MIB1: variants seen among roughly 807,000 people sequenced by gnomAD.
MIB1 encodes MIB E3 ubiquitin protein ligase 1, also known as E3 ubiquitin-protein ligase MIB1.
MIB1 carries 278 observed loss-of-function variants against 124.5 expected under a neutral mutation model. The ratio of observed to expected loss-of-function variants is 2.23; its 90% confidence interval spans 2.02 to 2.47. The LOEUF is 2.47. MIB1 is among the 30% of genes most tolerant of loss of function. The probability of loss-of-function intolerance (pLI) is 0.00; values close to 1 mark genes in which losing one functional copy is unlikely to be tolerated. For missense variants in MIB1, 957 were observed against 1,254.4 expected, an observed-to-expected ratio of 0.76 and a Z score of 3.58; for synonymous variants, 446 against 429.4, an observed-to-expected ratio of 1.04 and a Z score of -0.48.
intron 3 of MIB1, among the ~76,000 whole-genome samples, chr18:21,769,575 C>T (rs775705402): frequency 2.0e-5 from 3 of 152,188 alleles, no homozygotes; most frequent in South Asian, 2.1e-4. Flanking sequence ...GGCTGGATCT[C>T]ATGTTTTCTG....
At chr18:21,775,951 G>A (rs1382835946) in intron 4 of MIB1, among the ~76,000 whole-genome samples, 1 of 152,086 alleles carries the variant, frequency 6.6e-6, no homozygotes, top group Non-Finnish European at 1.5e-5. Context: ...AAGTAAAATT[G>A]CTGGGGTAGG....
At chr18:21,749,641 C>CTTTTTTTTTTTTTT (rs10653364) in intron 1 of MIB1, among the ~76,000 whole-genome samples, 8 of 114,560 alleles carry the variant, frequency 7.0e-5, no homozygotes, top group African/African-American at 2.5e-4. Context: ...CTACCTTACT[C>CTTTTTTTTTTTTTT]TTTTTTTTTT....
intron 12 of MIB1, among the ~76,000 whole-genome samples, chr18:21,834,658 C>G (rs1335560503): frequency 1.3e-5 from 2 of 152,146 alleles, no homozygotes; most frequent in African/African-American, 4.8e-5. Context: ...AAGCATCAGA[C>G]AAATTCCAAC....
chr18:21,864,327 CCTGAT>C (rs201314260), intron 20 of MIB1, among the ~76,000 whole-genome samples, 194 bp from the exon 21 acceptor site: 1,904 of 152,156 alleles, frequency 0.013, 18 homozygotes, highest in Non-Finnish European at 0.018. Context: ...TTCATACTAT[CCTGAT>C]AGTACAACCA....
Position 21,864,770 on chromosome 18 carries a change from A to G in MIB1, c.*104A>G. On this transcript the variant is annotated 3_prime_UTR_variant, in exon 21 of 21. Coordinates refer to ENST00000261537, the MANE Select transcript of MIB1 (RefSeq NM_020774.4). ...CTGATGAGTTAATTTCTAATATCAT[A>G]GTTTCTTTACTAGAGTATAATTGGG... 1.2e-6 allele frequency: 1 copy of G among 847,304 alleles called. No homozygotes were observed. The highest frequency in any genetic ancestry group is 1.8e-6 in the Non-Finnish European group (1 of 557,552). The allele number at this position is 847,304 out of a possible 1,614,324, so 52.5% of individuals were successfully genotyped here.
chr18:21,709,813 CA>C (rs1207686145), intron 1 of MIB1, among the ~76,000 whole-genome samples: 4 of 152,168 alleles, frequency 2.6e-5, no homozygotes, highest in Non-Finnish European at 5.9e-5. Flanking sequence ...GACTTCCTGA[CA>C]GAGATGTGAG....
intron 8 of MIB1, among the ~76,000 whole-genome samples, chr18:21,798,963 G>A (rs942291310): frequency 2.0e-5 from 3 of 152,022 alleles, no homozygotes; most frequent in Non-Finnish European, 4.4e-5. Context: ...CTGCCTTTTT[G>A]TTTATTCTTT....
At chr18:21,724,712 C>CAAAAAAAAAAAAAAAAAAAAAAA (rs1193584277) in intron 1 of MIB1, among the ~76,000 whole-genome samples, 1 of 20,758 alleles carries the variant, frequency 4.8e-5, no homozygotes, top group African/African-American at 3.3e-4. Flanking sequence ...CTCCCCCATC[C>CAAAAAAAAAAAAAAAAAAAAAAA]AAAAAAAAAA....
rs567548350 is a variant in MIB1 at position 21,853,226 on chromosome 18, G to T, written c.2665+8G>T. The T allele has an allele frequency of 6.3e-7, 1 of 1,587,056 alleles. No individual in the cohort carries two copies. The highest frequency in any genetic ancestry group is 1.3e-5 in the African/African-American group (1 of 74,316). ...ACATGTGTGCTTGTGAGAGTAAGTA[G>T]CCTATGCAGAGTTCCTCAATATTAT... is the stretch of plus-strand genomic sequence containing the variant. On this transcript the variant is annotated splice_region_variant and intron_variant, in intron 18 of 20. Coordinates refer to ENST00000261537, the MANE Select transcript of MIB1 (RefSeq NM_020774.4).
chr18:21,722,069 T>G (rs112423315), intron 1 of MIB1, among the ~76,000 whole-genome samples: 2 of 151,274 alleles, frequency 1.3e-5, no homozygotes, highest in East Asian at 1.9e-4. Flanking sequence ...GTGTGTGTGT[T>G]TTTAAGACGG....
At chr18:21,793,904 C>G (rs1338996096) in intron 7 of MIB1, 1 of 151,034 alleles carries the variant, frequency 6.6e-6, no homozygotes, top group Non-Finnish European at 1.5e-5. Context: ...TAGTGTGTAC[C>G]TGTAGTCCCA....
chr18:21,778,275 C>A, intron 5 of MIB1, 106 bp downstream of exon 5: 1 of 748,588 alleles, frequency 1.3e-6, no homozygotes. Context: ...ACTAAAGTTA[C>A]TTAGAGAAAA....
At chr18:21,735,695 G>A (rs2040793739) in intron 1 of MIB1, among the ~76,000 whole-genome samples, 1 of 152,126 alleles carries the variant, frequency 6.6e-6, no homozygotes, top group South Asian at 2.1e-4. Flanking sequence ...CGGGGGGAGG[G>A]GCATCCGCCA....
At chr18:21,848,939 A>G (rs1054797778) in intron 16 of MIB1, among the ~76,000 whole-genome samples, 1 of 151,724 alleles carries the variant, frequency 6.6e-6, no homozygotes, top group African/African-American at 2.4e-5. Flanking sequence ...TTTTTATTTC[A>G]TTGTTAGAAG....
chr18:21,794,911 CCTTT>C (rs1340318904), intron 7 of MIB1, among the ~76,000 whole-genome samples: 4 of 151,908 alleles, frequency 2.6e-5, no homozygotes, highest in Non-Finnish European at 4.4e-5. Context: ...TCCCATGAGT[CCTTT>C]CTAAGTAATT....
chr18:21,718,457 A>T (rs1004599677), intron 1 of MIB1, among the ~76,000 whole-genome samples: 4 of 152,224 alleles, frequency 2.6e-5, no homozygotes, highest in African/African-American at 4.8e-5. Context: ...CTGCCAACCC[A>T]GCTGAAGTGT....
At chr18:21,720,013 C>T (rs2040707694) in intron 1 of MIB1, among the ~76,000 whole-genome samples, 1 of 152,088 alleles carries the variant, frequency 6.6e-6, no homozygotes, top group Non-Finnish European at 1.5e-5. Flanking sequence ...AGACGTTTTG[C>T]AGAAAACTTT....
intron 3 of MIB1, among the ~76,000 whole-genome samples, chr18:21,772,900 AG>A (rs1196871255): frequency 2.0e-5 from 3 of 152,174 alleles, no homozygotes; most frequent in African/African-American, 4.8e-5. Flanking sequence ...TTGACCAAAA[AG>A]GTTTATCTTG....
chr18:21,779,676 G>A lies in MIB1; in HGVS notation c.899G>A (p.Ser300Asn). 2 of 1,612,214 alleles carry A rather than the reference G, an allele frequency of 1.2e-6. No individual in the cohort carries two copies. Among genetic ancestry groups the A allele is most frequent in the Non-Finnish European group, 1.7e-6 (2 of 1,178,296 alleles). The change falls in exon 6 of 21, where the codon AGT (serine) becomes AAT (asparagine). Residue 300 changes from serine (S) to asparagine (N), a missense_variant. Coordinates refer to ENST00000261537, the MANE Select transcript of MIB1 (RefSeq NM_020774.4). ...EDHDIVVQYPSGNRWTFNPAV... is the reference protein window; with the variant it reads ...EDHDIVVQYPNGNRWTFNPAV... ...CATGACATTGTAGTACAGTATCCAA[G>A]TGGCAATAGGTGGGTGATATCTCTC...
Sources: allele counts gnomAD v4.1 joint callset (sites outside exome capture counted in the v4.1 genomes callset), GRCh38; gene constraint gnomAD v4.1.1; transcripts MANE v1.5; gene names NCBI Gene and HGNC (gene_info 2026-07-23, HGNC 2026-07-21).